Variants in FGD6 observed in about 807,000 individuals in gnomAD.
FGD6 encodes FYVE, RhoGEF and PH domain containing 6.
A neutral mutation model predicts 149.4 loss-of-function variants in FGD6; 90 were observed. The ratio of observed to expected loss-of-function variants is 0.60; its 90% CI spans 0.51 to 0.72. The LOEUF is 0.72. Among genes scored for constraint, FGD6 ranks in the 30% least tolerant of loss-of-function variants. FGD6 has a pLI of 0.00. For synonymous variants in FGD6, 527 were observed against 584.0 expected, an observed-to-expected ratio of 0.90 and a Z score of 1.41; for missense variants, 1,437 against 1,684.8, an observed-to-expected ratio of 0.85 and a Z score of 2.57.
intron 19 of FGD6, 89 bp from the exon 20 acceptor site, chr12:95,084,735 AATTTC>A: frequency 8.6e-6 from 9 of 1,044,838 alleles, no homozygotes; most frequent in Non-Finnish European, 1.1e-5. Context: ...GCTCTAATTT[AATTTC>A]AATTATTCAC....
At position 95,077,580 on chromosome 12, in the gene FGD6, G is replaced by A. The variant is rs1010289552; in HGVS notation, c.*3940C>T. On this transcript the variant is annotated 3_prime_UTR_variant, in exon 21 of 21. Transcript: ENST00000343958. ...GCATGTAAAAGTGGGGATGAAACTA[G>A]ATTAGAGCTATGTTGTTGGAAGACT... The A allele has an allele frequency of 6.6e-6, 1 of 152,260 alleles. No individual in the cohort carries two copies. The highest frequency in any genetic ancestry group is 2.4e-5 in the African/African-American group (1 of 41,462). The allele number at this position is 152,260 out of a possible 1,614,324, so 9.4% of individuals were successfully genotyped here.
At position 95,078,824 on chromosome 12, in the gene FGD6, T is replaced by A. The variant is rs116350786; in HGVS notation, c.*2696A>T. The A allele has an allele frequency of 1.3e-5, 2 of 152,354 alleles. No individual in the cohort carries two copies. Among genetic ancestry groups the A allele is most frequent in the Admixed American group, 6.5e-5 (1 of 15,306 alleles). 9.4% of individuals were successfully genotyped at this position (152,354 alleles called of 1,614,324 possible). The stretch of plus-strand genomic sequence containing the variant: ...TCCCCTGGTTCAGCCTGGCGTCTCA[T>A]CTACGTTATGCTTAGCATCATTTTT... On this transcript the variant is annotated 3_prime_UTR_variant, in exon 21 of 21. Coordinates refer to ENST00000343958, the MANE Select transcript of FGD6 (RefSeq NM_018351.4).
At chr12:95,134,207 C>T (rs1048886693) in intron 8 of FGD6, among the ~76,000 whole-genome samples, 1 of 152,088 alleles carries the variant, frequency 6.6e-6, no homozygotes, top group Non-Finnish European at 1.5e-5. Flanking sequence ...CAAAGATCCT[C>T]CCGCCTCAGC....
At chr12:95,211,585 G>C (rs1450132882) in intron 1 of FGD6, among the ~76,000 whole-genome samples, 1 of 150,020 alleles carries the variant, frequency 6.7e-6, no homozygotes, top group Non-Finnish European at 1.5e-5. Flanking sequence ...TGTCGCCCAG[G>C]CTGGAGTGCA....
At chr12:95,102,351 C>A (rs910676889) in intron 14 of FGD6, among the ~76,000 whole-genome samples, 1 of 144,688 alleles carries the variant, frequency 6.9e-6, no homozygotes, top group Admixed American at 7.3e-5. Flanking sequence ...GGCTGAGGCA[C>A]AAGGATCGCT....
chr12:95,126,460 G>A (rs2136251707), intron 8 of FGD6: 1 of 840,794 alleles, frequency 1.2e-6, no homozygotes, highest in Non-Finnish European at 1.8e-6. Context: ...CAGCCATGGT[G>A]GCTCACGCCT....
chr12:95,127,631 G>C (rs74966018), intron 8 of FGD6, among the ~76,000 whole-genome samples: 1,535 of 152,238 alleles, frequency 0.01, 72 homozygotes, highest in Admixed American at 0.08. Flanking sequence ...TATAGCTTCA[G>C]AACACTATAA....
At chr12:95,082,414 T>C (rs1306799358) in intron 20 of FGD6, among the ~76,000 whole-genome samples, 3 of 151,922 alleles carry the variant, frequency 2.0e-5, no homozygotes, top group Admixed American at 1.3e-4. Flanking sequence ...TCCCAGTACT[T>C]TGGGAGGCTG....
chr12:95,105,008 T>C lies in FGD6; in HGVS notation c.3496A>G (p.Ser1166Gly). The change falls in exon 14 of 21, where the codon AGT (serine) becomes GGT (glycine). Residue 1166 changes from serine to glycine, a missense_variant and splice_region_variant. Physicochemically the swap from Ser to Gly is moderately conservative, Grantham distance 56. Around this residue, in one of 2 missense-constraint regions of FGD6, gnomAD observed 382 missense variants for 538.7 expected, o/e 0.71. Coordinates refer to ENST00000343958, the MANE Select transcript of FGD6 (RefSeq NM_018351.4). ...SVERSFILSA[S>G]SATERDEWLE... is the part of the protein sequence containing the mutation. Reference sequence around the variant, plus strand: ...AAAAAAGAAGAAGAAAAAATTTACCTGGCTGAGAGAATGAAGGAACGTTCT... The same window carrying C: ...AAAAAAGAAGAAGAAAAAATTTACCCGGCTGAGAGAATGAAGGAACGTTCT... 6.3e-7 allele frequency: 1 copy of C among 1,575,324 alleles called. No homozygotes were observed.
rs1565890050 is a variant in FGD6 at position 95,080,124 on chromosome 12, G to C, written c.*1396C>G. 6.6e-6 allele frequency: 1 copy of C among 151,930 alleles called. No individual in the cohort carries two copies. The highest frequency in any genetic ancestry group is 1.5e-5 in the Non-Finnish European group (1 of 68,006). 9.4% of individuals were successfully genotyped at this position (151,930 alleles called of 1,614,324 possible). On this transcript the variant is annotated 3_prime_UTR_variant, in exon 21 of 21. Coordinates refer to ENST00000343958, the MANE Select transcript of FGD6 (RefSeq NM_018351.4). ...GTACCACCACGACCGGCTAATTCTT[G>C]TATTTTTAATAGAGATGGGGTTTCA...
chr12:95,213,077 C>T (rs2056736182), intron 1 of FGD6, among the ~76,000 whole-genome samples: 1 of 152,004 alleles, frequency 6.6e-6, no homozygotes, highest in Non-Finnish European at 1.5e-5. Context: ...AACTGAAAAA[C>T]CCTTCAAATC....
At position 95,134,768 on chromosome 12, in the gene FGD6, C is replaced by A; in HGVS notation, c.3053G>T (p.Arg1018Met). The A allele has an allele frequency of 1.2e-6, 2 of 1,613,928 alleles. No individual in the cohort carries two copies. The highest frequency in any genetic ancestry group is 1.7e-6 in the Non-Finnish European group (2 of 1,179,920). The change falls in exon 8 of 21, where the codon AGG becomes ATG. Residue 1018 changes from arginine to methionine, a missense_variant. Physicochemically the swap from Arg to Met is moderately conservative, Grantham distance 91. Transcript: ENST00000343958. The part of the protein sequence containing the change: ...LKHYLLKPVQ[R>M]IPQYRLLLTD... ...CAGCAACAGCCTGTACTGGGGGATC[C>A]TCTGAACCGGCTTGAGCAGGTAGTG... is the stretch of plus-strand genomic sequence containing the variant.
At chr12:95,125,775 T>C (rs968419285) in intron 8 of FGD6, 6 of 727,434 alleles carry the variant, frequency 8.2e-6, no homozygotes, top group Admixed American at 7.3e-5. Flanking sequence ...GTTCAGGCAC[T>C]TCATGGAGGT....
intron 5 of FGD6, 140 bp downstream of exon 5, chr12:95,152,671 T>C (rs1198211348): frequency 2.7e-6 from 2 of 742,494 alleles, no homozygotes; most frequent in Non-Finnish European, 4.4e-6. Flanking sequence ...CTTTCAGAAA[T>C]CATGTTATCT....
intron 6 of FGD6, among the ~76,000 whole-genome samples, chr12:95,138,250 C>T (rs1031805570): frequency 8.8e-6 from 1 of 113,230 alleles, no homozygotes; most frequent in Non-Finnish European, 1.9e-5. Flanking sequence ...ATAAATAACT[C>T]ACTCACTCCT....
chr12:95,148,769 A>G (rs1211187060), intron 5 of FGD6, among the ~76,000 whole-genome samples: 1 of 95,458 alleles, frequency 1.0e-5, no homozygotes, highest in Non-Finnish European at 1.8e-5. Context: ...ATGTTATATT[A>G]CATATATTAT....
intron 3 of FGD6, among the ~76,000 whole-genome samples, chr12:95,167,430 C>G (rs1370520060): frequency 2.0e-5 from 3 of 152,158 alleles, no homozygotes; most frequent in Non-Finnish European, 4.4e-5. Context: ...AGTGGGTGTG[C>G]AGTGGTACCT....
intron 17 of FGD6, 121 bp from the exon 18 acceptor site, chr12:95,089,817 A>G: frequency 7.8e-7 from 1 of 1,286,498 alleles, no homozygotes; most frequent in South Asian, 1.4e-5. Flanking sequence ...AACAACATTG[A>G]TAACTCCTGG....
chr12:95,170,590 C>T (rs372419458), intron 3 of FGD6, among the ~76,000 whole-genome samples: 14 of 152,158 alleles, frequency 9.2e-5, no homozygotes, highest in South Asian at 6.2e-4. Context: ...TGCAGTGAGC[C>T]GAGATCGCGC....
Sources: allele counts gnomAD v4.1 joint callset (sites outside exome capture counted in the v4.1 genomes callset), GRCh38; gene constraint gnomAD v4.1.1; regional missense constraint gnomAD v4.1.1; transcripts MANE v1.5; gene names NCBI Gene and HGNC (gene_info 2026-07-23, HGNC 2026-07-21).